The following RABGAP1 variants were observed in gnomAD, a reference collection of about 807,000 sequenced individuals.
RABGAP1 encodes the protein rab GTPase-activating protein 1.
In RABGAP1, 23 loss-of-function variants were observed where a neutral mutation model predicts 137.6. That is an observed-to-expected ratio of 0.17 (90% confidence interval 0.12 to 0.24). The LOEUF (loss-of-function observed/expected upper bound fraction) is 0.24, where lower values mean the gene tolerates loss of function less well. Among genes scored for constraint, RABGAP1 ranks in the 10% least tolerant of loss-of-function variants. RABGAP1 has a pLI of 1.00. For synonymous variants in RABGAP1, 451 were observed against 450.7 expected (o/e 1.00, Z -0.01); for missense variants, 906 against 1,275.8 (o/e 0.71, Z 4.42).
At chr9:122,975,578 A>G (rs1371237779) in intron 2 of RABGAP1, among the ~76,000 whole-genome samples, 1 of 152,214 alleles carries the variant, frequency 6.6e-6, no homozygotes, top group African/African-American at 2.4e-5. Context: ...TCTTTGGGCC[A>G]CGAAAAGTAG....
rs995320198 is a variant in RABGAP1, at chr9:122,984,394, G to A, written c.151-91G>A. 4 of 1,017,682 alleles carry A rather than the reference G, an allele frequency of 3.9e-6. No homozygotes were observed. In the African/African-American group the frequency reaches 6.5e-5, roughly 17 times the overall value. 63.0% of individuals were successfully genotyped at this position (1,017,682 alleles called of 1,614,324 possible). A position where few individuals can be genotyped will look rare whatever the true frequency, so the allele number is the denominator to read the frequency against. ...AAGATATCTTTGTATCAAAAGAAATGCTAATGATTTTCTTTAGAATGTGAA... is the reference window on the plus strand; with the variant it reads ...AAGATATCTTTGTATCAAAAGAAATACTAATGATTTTCTTTAGAATGTGAA... On this transcript the variant is annotated intron_variant, in intron 2 of 25. Transcript: ENST00000373647.
chr9:122,945,780 T>A (rs1229899620), intron 1 of RABGAP1, among the ~76,000 whole-genome samples: 1 of 152,226 alleles, frequency 6.6e-6, no homozygotes, highest in African/African-American at 2.4e-5. Context: ...CAAGTGAGTT[T>A]CTGTGGTAAC....
chr9:122,979,944 GTTTA>G (rs1437842546), intron 2 of RABGAP1, among the ~76,000 whole-genome samples: 4 of 152,180 alleles, frequency 2.6e-5, no homozygotes, highest in Non-Finnish European at 5.9e-5. Flanking sequence ...CTAAGAGTGG[GTTTA>G]TTTTTCTGCT....
chr9:123,086,621 C>A (rs700075), intron 19 of RABGAP1, among the ~76,000 whole-genome samples: 132,639 of 151,594 alleles, frequency 0.87, 60,642 homozygotes, highest in East Asian at 1. Context: ...CTGCAAAAGT[C>A]AGCATCAGCC....
intron 21 of RABGAP1, among the ~76,000 whole-genome samples, chr9:123,091,586 C>G (rs149769500): frequency 6.6e-6 from 1 of 152,106 alleles, no homozygotes; most frequent in Non-Finnish European, 1.5e-5. Context: ...AGCTATGTCA[C>G]AGGGTATAGA....
At chr9:122,962,932 C>G (rs560699038) in intron 2 of RABGAP1, among the ~76,000 whole-genome samples, 33 of 152,190 alleles carry the variant, frequency 2.2e-4, no homozygotes, top group African/African-American at 7.5e-4. Context: ...ATTGGCTATT[C>G]TGATTTTAGA....
chr9:123,066,910 C>G (rs1588368271), intron 14 of RABGAP1, among the ~76,000 whole-genome samples: 2 of 152,142 alleles, frequency 1.3e-5, no homozygotes, highest in East Asian at 3.9e-4. Flanking sequence ...AGTTAATATC[C>G]CCCACACTAA....
At chr9:122,962,511 ACT>A (rs1253359516) in intron 2 of RABGAP1, among the ~76,000 whole-genome samples, 3 of 151,734 alleles carry the variant, frequency 2.0e-5, no homozygotes, top group African/African-American at 4.9e-5. Context: ...ACAGAGTGAG[ACT>A]CTCTCTTAAA....
intron 19 of RABGAP1, among the ~76,000 whole-genome samples, chr9:123,080,926 A>G (rs1222825431): frequency 1.3e-5 from 2 of 152,142 alleles, no homozygotes; most frequent in Admixed American, 1.3e-4. Context: ...ATTTTTTTCA[A>G]TAAAAGTTAT....
At chr9:123,030,434 T>G (rs2032234798) in intron 13 of RABGAP1, among the ~76,000 whole-genome samples, 1 of 152,194 alleles carries the variant, frequency 6.6e-6, no homozygotes, top group African/African-American at 2.4e-5. Context: ...CCAATAATAG[T>G]GTTGATTTTT....
chr9:123,089,954 C>T, intron 20 of RABGAP1, 104 bp downstream of exon 20: 4 of 1,055,804 alleles, frequency 3.8e-6, no homozygotes, highest in Non-Finnish European at 5.6e-6. Flanking sequence ...TTCAATTCCT[C>T]TGTAGGTTCA....
At chr9:123,078,287 C>A (rs1315630058) in intron 19 of RABGAP1, among the ~76,000 whole-genome samples, 1 of 151,700 alleles carries the variant, frequency 6.6e-6, no homozygotes, top group Non-Finnish European at 1.5e-5. Context: ...TTAAAATAAT[C>A]ATCAGAGTTT....
rs1424726633 is a variant in RABGAP1, at chr9:123,080,493, C to G, written c.2424+3731C>G. Among the ~76,000 whole-genome samples the G allele has an allele frequency of 4.6e-5, 7 of 152,290 alleles. No individual in the cohort carries two copies. In the East Asian group the frequency reaches 1.4e-3, roughly 29 times the overall value. ...TTAGTTAGTGATGATTTGTTGTCTT[C>G]TGGCAGCTATACTTAATACCAAAAA... On this transcript the variant is annotated intron_variant, in intron 19 of 25. Transcript: ENST00000373647.
At chr9:122,964,606 AG>A (rs1308676249) in intron 2 of RABGAP1, among the ~76,000 whole-genome samples, 1 of 152,232 alleles carries the variant, frequency 6.6e-6, no homozygotes, top group Non-Finnish European at 1.5e-5. Flanking sequence ...GAAAGCTCAC[AG>A]GTAAAATCAT....
chr9:123,068,626 C>T (rs2034258056), intron 14 of RABGAP1, among the ~76,000 whole-genome samples: 1 of 152,086 alleles, frequency 6.6e-6, no homozygotes, highest in African/African-American at 2.4e-5. Context: ...TTTCTAAAGC[C>T]CTTTTTGCAC....
At chr9:123,095,144 T>G (rs1191168982) in intron 21 of RABGAP1, among the ~76,000 whole-genome samples, 1 of 148,362 alleles carries the variant, frequency 6.7e-6, no homozygotes, top group African/African-American at 2.5e-5. Context: ...AGAGGATCAC[T>G]TGAACCCGGG....
chr9:122,972,866 T>C (rs1835540488), intron 2 of RABGAP1, among the ~76,000 whole-genome samples: 1 of 152,000 alleles, frequency 6.6e-6, no homozygotes, highest in African/African-American at 2.4e-5. Flanking sequence ...CCGGGCGTGA[T>C]GGCTCACACC....
intron 8 of RABGAP1, chr9:122,997,002 A>C (rs935241648): frequency 1.7e-6 from 1 of 586,116 alleles, no homozygotes; most frequent in African/African-American, 1.9e-5. Flanking sequence ...TGAAAGAAGA[A>C]TTCAACATTG....
At chr9:123,051,221 T>G (rs2033447889) in intron 13 of RABGAP1, among the ~76,000 whole-genome samples, 1 of 18,250 alleles carries the variant, frequency 5.5e-5, no homozygotes, top group African/African-American at 5.1e-4. Flanking sequence ...CCTTGGTTTT[T>G]TTTTTTTTTT....
Sources: allele counts gnomAD v4.1 joint callset (sites outside exome capture counted in the v4.1 genomes callset), GRCh38; gene constraint gnomAD v4.1.1; transcripts MANE v1.5; gene names NCBI Gene and HGNC (gene_info 2026-07-23, HGNC 2026-07-21).